Variants in DMD observed in about 807,000 individuals in gnomAD.
DMD encodes the protein mutant dystrophin.
Under a neutral mutation model 330.1 loss-of-function variants are expected in DMD, and 63 were observed. The ratio of observed to expected loss-of-function variants is 0.19; its 90% confidence interval spans 0.16 to 0.24. DMD has a LOEUF of 0.24. DMD is among the 10% of genes least tolerant of loss of function. DMD has a pLI of 1.00. For missense variants in DMD, 3,344 were observed against 2,684.1 expected, an observed-to-expected ratio of 1.25 and a Z score of -5.43; for synonymous variants, 1,223 against 959.8, an observed-to-expected ratio of 1.27 and a Z score of -5.07.
chrX:31,970,817 T>A (rs907587086), intron 44 of DMD, among the ~76,000 whole-genome samples: 1 of 111,474 alleles, frequency 9.0e-6, no homozygotes, highest in Non-Finnish European at 1.9e-5. Context: ...ACCATTGTTT[T>A]GGAATAAACT....
chrX:31,146,165 A>T (rs923736935), intron 76 of DMD, 126 bp downstream of exon 76: 1 of 847,521 alleles, frequency 1.2e-6, no homozygotes. Context: ...TTCGCCTGGT[A>T]TATGATTTTC....
chrX:33,045,345 T>C (rs969509966), intron 1 of DMD, among the ~76,000 whole-genome samples: 5 of 26,284 alleles, frequency 1.9e-4, no homozygotes, highest in Non-Finnish European at 4.6e-4. Context: ...CACACAAGTA[T>C]TTCGTGAGAT....
chrX:32,746,254 T>A (rs753053624), intron 7 of DMD, among the ~76,000 whole-genome samples: 1 of 111,900 alleles, frequency 8.9e-6, no homozygotes, highest in East Asian at 2.8e-4. Flanking sequence ...CTATCTGGAG[T>A]CAAGCTTTCA....
intron 1 of DMD, among the ~76,000 whole-genome samples, chrX:33,253,829 A>G (rs1377457447): frequency 9.0e-6 from 1 of 111,075 alleles, no homozygotes; most frequent in Non-Finnish European, 1.9e-5. Flanking sequence ...TCTAATCCCC[A>G]TTCTTAGTTA....
At chrX:32,181,957 A>T (rs2096928465) in intron 44 of DMD, among the ~76,000 whole-genome samples, 1 of 112,242 alleles carries the variant, frequency 8.9e-6, no homozygotes, top group Admixed American at 9.5e-5. Flanking sequence ...AATAATGGAA[A>T]TTTAAATTGG....
intron 39 of DMD, among the ~76,000 whole-genome samples, chrX:32,343,659 T>A (rs754316443): frequency 4.5e-5 from 5 of 111,624 alleles, no homozygotes; most frequent in African/African-American, 1.6e-4. Flanking sequence ...AGTGAGTTTG[T>A]ATCTGACTTA....
chrX:33,274,427 C>T (rs1346648707), intron 1 of DMD, among the ~76,000 whole-genome samples: 1 of 111,144 alleles, frequency 9.0e-6, no homozygotes, highest in Non-Finnish European at 1.9e-5. Flanking sequence ...AACTAGAATG[C>T]ATGCATGTAA....
chrX:31,364,752 G>A (rs2704913), intron 60 of DMD, among the ~76,000 whole-genome samples: 1 of 109,615 alleles, frequency 9.1e-6, no homozygotes, highest in African/African-American at 3.3e-5. Flanking sequence ...TACCAACTGC[G>A]GCATTAATTC....
intron 1 of DMD, among the ~76,000 whole-genome samples, chrX:33,278,793 C>CCA (rs1375958530): frequency 9.0e-6 from 1 of 111,357 alleles, no homozygotes; most frequent in African/African-American, 3.3e-5. Context: ...ATTTACACTC[C>CCA]CACAAACAGT....
chrX:32,386,496 A>G, intron 32 of DMD, 31 bp from the exon 33 acceptor site: 1 of 1,099,424 alleles, frequency 9.1e-7, no homozygotes, highest in African/African-American at 1.8e-5. Context: ...AAACATGATA[A>G]TCAGTAGAGT....
intron 21 of DMD, among the ~76,000 whole-genome samples, chrX:32,484,280 G>C (rs1382021437): frequency 8.9e-6 from 1 of 111,959 alleles, no homozygotes. Context: ...TTTTGGAGCA[G>C]ATACTATGTA....
At chrX:32,298,771 T>C (rs2097508328) in intron 42 of DMD, among the ~76,000 whole-genome samples, 1 of 110,647 alleles carries the variant, frequency 9.0e-6, no homozygotes, top group Non-Finnish European at 1.9e-5. Context: ...AAATGTCAAG[T>C]TGGGAGCATA....
intron 13 of DMD, among the ~76,000 whole-genome samples, chrX:32,579,576 A>T (rs1419040240): frequency 8.9e-6 from 1 of 112,647 alleles, no homozygotes; most frequent in Non-Finnish European, 1.9e-5. Context: ...CAGATGCCGA[A>T]TCCCTTTGGA....
chrX:31,979,645 A>G (rs990563852), intron 44 of DMD, among the ~76,000 whole-genome samples: 3 of 111,700 alleles, frequency 2.7e-5, no homozygotes, highest in Non-Finnish European at 5.7e-5. Flanking sequence ...AATAGTGCTG[A>G]TGCTGAAGCT....
intron 2 of DMD, among the ~76,000 whole-genome samples, chrX:32,999,010 C>T (rs1194884972): frequency 8.9e-6 from 1 of 111,977 alleles, no homozygotes; most frequent in Admixed American, 9.5e-5. Context: ...AAGTGTGAAC[C>T]TTCGAAACAG....
chrX:33,148,361 A>G (rs1436881934), intron 1 of DMD, among the ~76,000 whole-genome samples: 1 of 112,491 alleles, frequency 8.9e-6, no homozygotes, highest in Non-Finnish European at 1.9e-5. Flanking sequence ...AAACAGAAAT[A>G]GAATATCCAG....
intron 11 of DMD, among the ~76,000 whole-genome samples, chrX:32,638,102 C>T (rs953868087): frequency 8.9e-6 from 1 of 111,784 alleles, no homozygotes; most frequent in African/African-American, 3.3e-5. Flanking sequence ...CATGTGCAAC[C>T]TAACCGAATG....
chrX:32,326,100 G>A (rs758744610), intron 41 of DMD, among the ~76,000 whole-genome samples: 1 of 111,811 alleles, frequency 8.9e-6, no homozygotes, highest in South Asian at 3.7e-4. Context: ...TGGCACATTA[G>A]ACCATCTTTA....
intron 61 of DMD, among the ~76,000 whole-genome samples, chrX:31,332,259 C>T (rs752599575): frequency 2.2e-4 from 25 of 112,234 alleles, no homozygotes; most frequent in Non-Finnish European, 3.2e-4. Context: ...AGCCTAGAGG[C>T]GAACCCAGGC....
Sources: gnomAD v4.1 joint callset for allele counts (sites outside exome capture counted in the v4.1 genomes callset) on GRCh38, gnomAD v4.1.1 for gene constraint, MANE v1.5 for transcripts, NCBI Gene and HGNC (gene_info 2026-07-23, HGNC 2026-07-21) for gene names.